Variants in PDE11A observed in about 807,000 individuals in gnomAD.
The protein encoded by PDE11A is dual 3',5'-cyclic-AMP and -GMP phosphodiesterase 11A.
In PDE11A, 100 loss-of-function variants were observed where a neutral mutation model predicts 100.5. The ratio of observed to expected loss-of-function variants is 1.00; its 90% CI spans 0.85 to 1.18. The LOEUF (loss-of-function observed/expected upper bound fraction) is 1.18, where lower values mean the gene tolerates loss of function less well. Among genes scored for constraint, PDE11A ranks in the 50% most tolerant of loss-of-function variants. PDE11A has a pLI of 0.00. For synonymous variants in PDE11A, 381 were observed against 420.8 expected (o/e 0.91, Z 1.16); for missense variants, 1,141 against 1,152.6 (o/e 0.99, Z 0.15).
In PDE11A at chr2:177,661,988, T is replaced by C. The variant is rs78673107; in HGVS notation, c.2646+1878A>G. Among the ~76,000 whole-genome samples, 529 of 152,290 alleles carry C rather than the reference T, an allele frequency of 3.5e-3. 16 individuals are homozygous for C. The East Asian group carries it at 0.077, about 22-fold the overall frequency. On this transcript the variant is annotated intron_variant, in intron 19 of 19. Coordinates refer to ENST00000286063, the MANE Select transcript of PDE11A (RefSeq NM_016953.4). ...TATGTTAATTTCCTGAAGCTGAAAA[T>C]AGCAGATGTATCTAACCGACAGATA... is the stretch of plus-strand genomic sequence containing the variant.
chr2:177,876,069 T>C (rs970094673), intron 4 of PDE11A, 146 bp from the exon 5 acceptor site: 1 of 679,416 alleles, frequency 1.5e-6, no homozygotes, highest in Non-Finnish European at 2.7e-6. Context: ...CAAGACAGAG[T>C]AGAAGAGGAG....
At position 177,905,483 on chromosome 2, in the gene PDE11A, G is replaced by C. The variant is rs535082185; in HGVS notation, c.1072-296C>G. On this transcript the variant is annotated intron_variant, in intron 2 of 19. Coordinates refer to ENST00000286063, the MANE Select transcript of PDE11A (RefSeq NM_016953.4). ...ATAGGAACTGTGTCTAAAGCAGCTT[G>C]TATTATTTCTTGGATAAAAGAAGGA... Among the ~76,000 whole-genome samples, 22 of 152,326 alleles carry C rather than the reference G, an allele frequency of 1.4e-4. No homozygotes were observed. In the Middle Eastern group the frequency reaches 0.01, roughly 71 times the overall value.
intron 1 of PDE11A, among the ~76,000 whole-genome samples, chr2:178,040,645 C>G (rs2086672058): frequency 6.6e-6 from 1 of 152,166 alleles, no homozygotes. Context: ...GGCTAAACCA[C>G]TAAACTAAAA....
chr2:178,005,007 A>G lies in PDE11A; in HGVS notation c.1071+9295T>C, dbSNP rs188349717. Among the ~76,000 whole-genome samples, 7 of 152,202 alleles carry G rather than the reference A, an allele frequency of 4.6e-5. No homozygotes were observed. In the East Asian group the frequency reaches 1.4e-3, roughly 30 times the overall value. On this transcript the variant is annotated intron_variant, in intron 2 of 19. Coordinates refer to ENST00000286063, the MANE Select transcript of PDE11A (RefSeq NM_016953.4). ...CTTGAACTTCAAGTTTTAGTGCCTAAGGCAGCCTAGAGGGGTTTCCACATA... is the reference window on the plus strand; with the variant it reads ...CTTGAACTTCAAGTTTTAGTGCCTAGGGCAGCCTAGAGGGGTTTCCACATA...
intron 5 of PDE11A, among the ~76,000 whole-genome samples, chr2:177,856,822 C>G (rs1219379696): frequency 6.6e-6 from 1 of 151,808 alleles, no homozygotes; most frequent in Non-Finnish European, 1.5e-5. Context: ...ATCAAGCATA[C>G]AAACATAAGC....
At chr2:177,796,204 C>T (rs754932995) in intron 9 of PDE11A, among the ~76,000 whole-genome samples, 1 of 151,870 alleles carries the variant, frequency 6.6e-6, no homozygotes, top group Non-Finnish European at 1.5e-5. Context: ...AGGTGACTGA[C>T]TTGTGAGAGT....
At chr2:177,990,708 A>C (rs992183183) in intron 2 of PDE11A, among the ~76,000 whole-genome samples, 8 of 151,258 alleles carry the variant, frequency 5.3e-5, no homozygotes, top group Non-Finnish European at 8.8e-5. Context: ...ATTGCACTCC[A>C]GCCTGGGTGA....
intron 9 of PDE11A, among the ~76,000 whole-genome samples, chr2:177,811,393 T>C (rs2082947211): frequency 6.6e-6 from 1 of 151,872 alleles, no homozygotes. Context: ...ATTAATTTTA[T>C]ATATTTAGGA....
chr2:177,637,985 ATATATATATATATTTTTTTT>A (rs1479002091), intron 19 of PDE11A, among the ~76,000 whole-genome samples: 11 of 45,316 alleles, frequency 2.4e-4, no homozygotes, highest in African/African-American at 8.1e-4. Flanking sequence ...ACGTGTATAT[ATATATATATATATTTTTTTT>A]TTTTTTTTTT....
intron 1 of PDE11A, among the ~76,000 whole-genome samples, chr2:178,046,416 G>C (rs1206546453): frequency 1.3e-5 from 2 of 152,214 alleles, no homozygotes; most frequent in Non-Finnish European, 2.9e-5. Flanking sequence ...TCATGGAGTA[G>C]ATTGTCTAAG....
At chr2:177,689,626 A>G (rs1383067004) in intron 15 of PDE11A, among the ~76,000 whole-genome samples, 2 of 152,348 alleles carry the variant, frequency 1.3e-5, no homozygotes, top group African/African-American at 4.8e-5. Flanking sequence ...ATGACTAAAG[A>G]AAAAAAGTGT....
chr2:177,958,999 C>T (rs1230866257), intron 2 of PDE11A, among the ~76,000 whole-genome samples: 1 of 152,096 alleles, frequency 6.6e-6, no homozygotes, highest in Non-Finnish European at 1.5e-5. Context: ...GCTTACATGC[C>T]ATAGTGGAGG....
chr2:178,092,897 A>G (rs1032463482), intron 2 of PDE11A: 24 of 152,266 alleles, frequency 1.6e-4, no homozygotes, highest in African/African-American at 5.5e-4. Context: ...CACCACGTAC[A>G]GTCCCAGGGA....
intron 6 of PDE11A, among the ~76,000 whole-genome samples, chr2:177,830,194 A>C (rs758852941): frequency 6.6e-6 from 1 of 152,218 alleles, no homozygotes; most frequent in Admixed American, 6.5e-5. Context: ...CAAGATCCAA[A>C]TGAGAATTCC....
chr2:177,928,177 C>T (rs945819276), intron 2 of PDE11A, among the ~76,000 whole-genome samples: 21 of 149,848 alleles, frequency 1.4e-4, no homozygotes, highest in African/African-American at 4.7e-4. Flanking sequence ...AATGAATACT[C>T]ACAAAGCTTT....
At chr2:177,964,881 A>G (rs1262094978) in intron 2 of PDE11A, among the ~76,000 whole-genome samples, 1 of 152,216 alleles carries the variant, frequency 6.6e-6, no homozygotes, top group African/African-American at 2.4e-5. Flanking sequence ...CTTTGGGTAT[A>G]TACCCAGTAA....
At chr2:177,927,393 G>A (rs147809336) in intron 2 of PDE11A, among the ~76,000 whole-genome samples, 18 of 152,210 alleles carry the variant, frequency 1.2e-4, no homozygotes, top group African/African-American at 2.4e-4. Context: ...ATCCAGCACC[G>A]ATTTTGTTCT....
intron 2 of PDE11A, among the ~76,000 whole-genome samples, chr2:177,916,977 C>T (rs1265569951): frequency 7.5e-6 from 1 of 132,868 alleles, no homozygotes; most frequent in Non-Finnish European, 1.5e-5. Flanking sequence ...GGGGTTTCAC[C>T]GTATTAGCCA....
chr2:177,931,201 C>T (rs557891869), intron 2 of PDE11A, among the ~76,000 whole-genome samples: 2 of 152,108 alleles, frequency 1.3e-5, no homozygotes, highest in South Asian at 4.1e-4. Context: ...AAAAACTCCA[C>T]CTATCTCTAA....
Sources: gnomAD v4.1 joint callset for allele counts (sites outside exome capture counted in the v4.1 genomes callset) on GRCh38, gnomAD v4.1.1 for gene constraint, MANE v1.5 for transcripts, NCBI Gene and HGNC (gene_info 2026-07-23, HGNC 2026-07-21) for gene names.